Variants in STARD13 observed in about 807,000 individuals in gnomAD.
STARD13 encodes StAR related lipid transfer domain containing 13.
A neutral mutation model predicts 106.4 loss-of-function variants in STARD13; 62 were observed. The observed-to-expected ratio is 0.58, with a 90% CI of 0.48 to 0.72. The LOEUF is 0.72. STARD13 is among the 30% of genes least tolerant of loss of function. The probability of loss-of-function intolerance (pLI) is 0.00; values close to 1 mark genes in which losing one functional copy is unlikely to be tolerated. For synonymous variants in STARD13, 565 were observed against 553.0 expected (o/e 1.02, Z -0.31); for missense variants, 1,387 against 1,424.0 (o/e 0.97, Z 0.42).
intron 1 of STARD13, among the ~76,000 whole-genome samples, chr13:33,217,216 A>C (rs1266338109): frequency 6.6e-6 from 1 of 152,266 alleles, no homozygotes; most frequent in Middle Eastern, 3.4e-3. Flanking sequence ...ATCATAGCCC[A>C]CAGGACATGA....
the STARD13 span, among the ~76,000 whole-genome samples, chr13:33,643,811 C>T: frequency 1.3e-5 from 2 of 152,220 alleles, no homozygotes; most frequent in Admixed American, 6.5e-5. Context: ...AGACTACTCT[C>T]TTGCATCAGT....
the STARD13 span, among the ~76,000 whole-genome samples, chr13:33,640,246 A>G: frequency 0.02 from 3,051 of 152,282 alleles, 98 homozygotes; most frequent in African/African-American, 0.069. Context: ...CCGTATCTGC[A>G]AGCTGCCCAT....
chr13:33,590,172 T>C, the STARD13 span, among the ~76,000 whole-genome samples: 2 of 152,176 alleles, frequency 1.3e-5, no homozygotes, highest in Non-Finnish European at 2.9e-5. Context: ...CCAGTTAGAA[T>C]GGCGATCATT....
At chr13:33,381,965 T>C in the STARD13 span, among the ~76,000 whole-genome samples, 1 of 152,194 alleles carries the variant, frequency 6.6e-6, no homozygotes. Flanking sequence ...TTAAGTTTCC[T>C]ACAGAGACGG....
At chr13:33,535,627 A>G in the STARD13 span, among the ~76,000 whole-genome samples, 1 of 152,198 alleles carries the variant, frequency 6.6e-6, no homozygotes, top group Non-Finnish European at 1.5e-5. Context: ...AAAGGAGGAG[A>G]AAGTTCTTAG....
At chr13:33,418,639 A>G in the STARD13 span, among the ~76,000 whole-genome samples, 1 of 152,332 alleles carries the variant, frequency 6.6e-6, no homozygotes, top group South Asian at 2.1e-4. Context: ...TGCCTCCTCA[A>G]GTGGGTCCCT....
chr13:33,216,374 C>G (rs941711015), intron 1 of STARD13, among the ~76,000 whole-genome samples: 4 of 152,198 alleles, frequency 2.6e-5, no homozygotes, highest in Non-Finnish European at 5.9e-5. Flanking sequence ...CGATAGAATA[C>G]TACTCATCCA....
Position 33,167,455 on chromosome 13 carries a change from G to T in STARD13, c.241+96C>A, listed in dbSNP as rs1883451177. ...AAAGAAAGCGAAGCAAAATGGGCGA[G>T]AAAAAAAAATCTGGAAGTCAAAACA... On this transcript the variant is annotated intron_variant, in intron 2 of 13. Coordinates refer to ENST00000336934, the MANE Select transcript of STARD13 (RefSeq NM_178006.4). 8 of 1,293,978 alleles carry T rather than the reference G, an allele frequency of 6.2e-6. No individual in the cohort carries two copies. The East Asian group carries it at 1.4e-4, about 23-fold the overall frequency. 80.2% of individuals were successfully genotyped at this position (1,293,978 alleles called of 1,614,324 possible). A position where few individuals can be genotyped will look rare whatever the true frequency, so the allele number is the denominator to read the frequency against.
At chr13:33,487,446 G>C in the STARD13 span, among the ~76,000 whole-genome samples, 1 of 152,126 alleles carries the variant, frequency 6.6e-6, no homozygotes, top group Non-Finnish European at 1.5e-5. Context: ...TAAATGAGGA[G>C]ACATTAGTAT....
intron 1 of STARD13, among the ~76,000 whole-genome samples, chr13:33,258,795 T>C (rs959201048): frequency 6.6e-6 from 1 of 152,204 alleles, no homozygotes; most frequent in Non-Finnish European, 1.5e-5. Context: ...TTTGCTTCCA[T>C]ACAGAAAACA....
At chr13:33,375,888 A>G in the STARD13 span, among the ~76,000 whole-genome samples, 4,646 of 152,208 alleles carry the variant, frequency 0.031, 224 homozygotes, top group African/African-American at 0.11. Flanking sequence ...ATTAAGTAAT[A>G]TGACTGGTTT....
At chr13:33,396,536 T>A in the STARD13 span, among the ~76,000 whole-genome samples, 7,391 of 152,194 alleles carry the variant, frequency 0.049, 600 homozygotes, top group African/African-American at 0.17. Flanking sequence ...GCACACATAG[T>A]AAAGGAAACA....
intron 10 of STARD13, 71 bp from the exon 11 acceptor site, chr13:33,110,978 C>A: frequency 1.5e-6 from 2 of 1,378,776 alleles, no homozygotes; most frequent in Non-Finnish European, 1.0e-6. Context: ...GAAAGCAAAG[C>A]CATTTCACCC....
intron 1 of STARD13, among the ~76,000 whole-genome samples, chr13:33,349,787 C>G (rs1447335105): frequency 6.6e-5 from 10 of 152,240 alleles, no homozygotes; most frequent in Non-Finnish European, 1.5e-4. Context: ...ATCCCCCCCT[C>G]TACCCCCGAG....
the STARD13 span, among the ~76,000 whole-genome samples, chr13:33,378,084 G>A: frequency 1.3e-5 from 2 of 152,134 alleles, no homozygotes; most frequent in African/African-American, 4.8e-5. Context: ...TTTTAAAGGG[G>A]GGTCTCCAGA....
the STARD13 span, among the ~76,000 whole-genome samples, chr13:33,456,117 A>G: frequency 6.6e-6 from 1 of 152,172 alleles, no homozygotes; most frequent in Non-Finnish European, 1.5e-5. Context: ...TTCAAGCTAT[A>G]TATGTATCAG....
At chr13:33,247,702 A>G (rs1889898486) in intron 1 of STARD13, among the ~76,000 whole-genome samples, 1 of 152,214 alleles carries the variant, frequency 6.6e-6, no homozygotes, top group Non-Finnish European at 1.5e-5. Context: ...ATATATGTAT[A>G]TGAATGGCCC....
chr13:33,588,101 A>T, the STARD13 span, among the ~76,000 whole-genome samples: 1 of 152,120 alleles, frequency 6.6e-6, no homozygotes, highest in Non-Finnish European at 1.5e-5. Flanking sequence ...ACTGCTTTGT[A>T]GTGATAAAAG....
intron 3 of STARD13, among the ~76,000 whole-genome samples, chr13:33,154,568 T>C (rs184058756): frequency 1.5e-3 from 223 of 152,292 alleles, no homozygotes; most frequent in African/African-American, 5.3e-3. Context: ...ACATAGGCTC[T>C]CTTGGCTATT....
Sources: allele counts gnomAD v4.1 joint callset (sites outside exome capture counted in the v4.1 genomes callset), GRCh38; gene constraint gnomAD v4.1.1; transcripts MANE v1.5; gene names NCBI Gene and HGNC (gene_info 2026-07-23, HGNC 2026-07-21).